The following ACER3 variants were observed in gnomAD, a reference collection of about 807,000 sequenced individuals.
ACER3 encodes the protein alkCDase 3.
ACER3 carries 16 observed loss-of-function variants against 48.9 expected under a neutral mutation model. The observed-to-expected ratio is 0.33, with a 90% CI of 0.22 to 0.50. The LOEUF (loss-of-function observed/expected upper bound fraction) is 0.50. Among genes scored for constraint, ACER3 ranks in the 20% least tolerant of loss-of-function variants. The pLI is 0.98. For synonymous variants in ACER3, 109 were observed against 107.8 expected, an observed-to-expected ratio of 1.01 and a Z score of -0.07; for missense variants, 227 against 326.0, an observed-to-expected ratio of 0.70 and a Z score of 2.34.
rs1949485317 is a variant in ACER3, at chr11:77,022,383, A to AC, written c.*2060dup. On this transcript the variant is annotated 3_prime_UTR_variant, in exon 11 of 11. Transcript: ENST00000532485. Reference sequence around the variant, plus strand: ...AGCACCACAGTGGAGAGTCATCTACACCCCAAGGTGAGCTGTAAGACTGGC... The same window carrying AC: ...AGCACCACAGTGGAGAGTCATCTACACCCCCAAGGTGAGCTGTAAGACTGGC... 1 of 152,046 alleles carries AC rather than the reference A, an allele frequency of 6.6e-6. No homozygotes were observed. The highest frequency in any genetic ancestry group is 2.4e-5 in the African/African-American group (1 of 41,384). 9.4% of individuals were successfully genotyped at this position (152,046 alleles called of 1,614,324 possible). A position where few individuals can be genotyped will look rare whatever the true frequency, so the allele number is the denominator to read the frequency against.
chr11:76,969,726 A>G (rs1167201134), intron 3 of ACER3, among the ~76,000 whole-genome samples: 17 of 144,500 alleles, frequency 1.2e-4, no homozygotes, highest in African/African-American at 7.7e-5. Context: ...GTTCTCACTC[A>G]TAGGTGGGAA....
At chr11:76,987,095 G>C (rs1384629098) in intron 5 of ACER3, among the ~76,000 whole-genome samples, 1 of 152,082 alleles carries the variant, frequency 6.6e-6, no homozygotes, top group Non-Finnish European at 1.5e-5. Flanking sequence ...GAAAAAGGTA[G>C]TGTGGAGCCA....
rs533086544 is a variant in ACER3 at position 76,905,249 on chromosome 11, A to G, written c.104-21308A>G. The stretch of plus-strand genomic sequence containing the variant: ...TTTAGAAGATTTTTTTTATGTTACA[A>G]GCTTACCTTTAAATTAAAAAAAATT... On this transcript the variant is annotated intron_variant, in intron 1 of 10. Coordinates refer to ENST00000532485, the MANE Select transcript of ACER3 (RefSeq NM_018367.7). Among the ~76,000 whole-genome samples the G allele has an allele frequency of 1.6e-4, 25 of 152,292 alleles. 1 individual carries two copies. The South Asian group carries it at 4.6e-3, about 28-fold the overall frequency.
chr11:76,921,188 TG>T (rs1355792378), intron 1 of ACER3, among the ~76,000 whole-genome samples: 1 of 152,186 alleles, frequency 6.6e-6, no homozygotes, highest in Non-Finnish European at 1.5e-5. Context: ...CATGTCCTAC[TG>T]AAAAAAATCA....
intron 4 of ACER3, among the ~76,000 whole-genome samples, chr11:76,976,560 G>A (rs555922785): frequency 6.6e-6 from 1 of 152,164 alleles, no homozygotes; most frequent in East Asian, 1.9e-4. Context: ...AATTTAGATA[G>A]GATCTAAATA....
chr11:76,927,696 GAGAACATGC>G (rs1946868868), intron 2 of ACER3, among the ~76,000 whole-genome samples: 2 of 151,890 alleles, frequency 1.3e-5, no homozygotes, highest in Non-Finnish European at 2.9e-5. Flanking sequence ...ACCTATGAGT[GAGAACATGC>G]GGTGTTTGGT....
intron 2 of ACER3, among the ~76,000 whole-genome samples, chr11:76,948,398 A>G (rs749300186): frequency 3.3e-5 from 5 of 152,190 alleles, no homozygotes; most frequent in African/African-American, 7.2e-5. Context: ...TCTTATCAGT[A>G]TAAGGATAAA....
intron 1 of ACER3, among the ~76,000 whole-genome samples, chr11:76,862,823 A>G (rs79104124): frequency 0.018 from 2,790 of 152,344 alleles, 80 homozygotes; most frequent in African/African-American, 0.063. Context: ...ACATTGTTCA[A>G]TGAACTCAAT....
At chr11:76,889,805 A>G (rs2134616145) in intron 1 of ACER3, among the ~76,000 whole-genome samples, 1 of 151,396 alleles carries the variant, frequency 6.6e-6, no homozygotes, top group Non-Finnish European at 1.5e-5. Flanking sequence ...ACTTTTTTGT[A>G]TGTTTAATTA....
At chr11:76,997,898 GTAT>G (rs1481992310) in intron 6 of ACER3, among the ~76,000 whole-genome samples, 2 of 152,004 alleles carry the variant, frequency 1.3e-5, no homozygotes, top group South Asian at 2.1e-4. Context: ...AAAGCAAACA[GTAT>G]TATTATTACT....
At chr11:77,017,194 C>CT (rs1166498353) in intron 9 of ACER3, among the ~76,000 whole-genome samples, 1 of 151,802 alleles carries the variant, frequency 6.6e-6, no homozygotes, top group Non-Finnish European at 1.5e-5. Context: ...ATCTGTGAAA[C>CT]TAAGAGTTGG....
intron 3 of ACER3, among the ~76,000 whole-genome samples, chr11:76,970,682 T>G (rs1045439745): frequency 2.0e-5 from 3 of 152,238 alleles, no homozygotes; most frequent in Non-Finnish European, 4.4e-5. Context: ...GGTGAGTTTT[T>G]TTTTAAAGTA....
In ACER3 at chr11:76,936,415, G is replaced by A. The variant is rs114435138; in HGVS notation, c.214+9748G>A. 1.2e-3 allele frequency among the ~76,000 whole-genome samples: 182 copies of A among 152,186 alleles called. 1 individual carries two copies. Among genetic ancestry groups the A allele is most frequent in the African/African-American group, 4.1e-3 (171 of 41,526 alleles). Reference sequence around the variant, plus strand: ...TTCTAAATTGATAAGAAGGCTAAAAGTAAAAATAAAAATCTTCCAACTACT... The same window carrying A: ...TTCTAAATTGATAAGAAGGCTAAAAATAAAAATAAAAATCTTCCAACTACT... On this transcript the variant is annotated intron_variant, in intron 2 of 10. Coordinates refer to ENST00000532485, the MANE Select transcript of ACER3 (RefSeq NM_018367.7).
At chr11:76,969,888 A>G (rs1424942120) in intron 3 of ACER3, among the ~76,000 whole-genome samples, 1 of 151,864 alleles carries the variant, frequency 6.6e-6, no homozygotes, top group South Asian at 2.1e-4. Context: ...TGGCACATGT[A>G]TACATATGTA....
chr11:76,938,680 A>G (rs1389598309), intron 2 of ACER3, among the ~76,000 whole-genome samples: 1 of 152,208 alleles, frequency 6.6e-6, no homozygotes, highest in African/African-American at 2.4e-5. Context: ...AGGGAGATAC[A>G]GATTTGGATG....
At chr11:76,861,349 C>T (rs1020923335) in intron 1 of ACER3, among the ~76,000 whole-genome samples, 1 of 151,396 alleles carries the variant, frequency 6.6e-6, no homozygotes, top group African/African-American at 2.4e-5. Flanking sequence ...GGAGCCCCTG[C>T]TGGACCTAAG....
intron 1 of ACER3, among the ~76,000 whole-genome samples, chr11:76,892,884 G>T (rs1182626092): frequency 6.6e-6 from 1 of 152,112 alleles, no homozygotes; most frequent in Non-Finnish European, 1.5e-5. Flanking sequence ...GTCCCTGTTT[G>T]TGGATGACGT....
intron 1 of ACER3, among the ~76,000 whole-genome samples, chr11:76,869,118 CT>C (rs1945176076): frequency 6.6e-6 from 1 of 152,246 alleles, no homozygotes; most frequent in South Asian, 2.1e-4. Flanking sequence ...GGGGGCAGTT[CT>C]GGGGACTGAG....
At chr11:76,917,905 C>T (rs1334899505) in intron 1 of ACER3, among the ~76,000 whole-genome samples, 1 of 151,632 alleles carries the variant, frequency 6.6e-6, no homozygotes, top group Non-Finnish European at 1.5e-5. Flanking sequence ...TAGAATGACT[C>T]TTGTAGTAAT....
Sources: gnomAD v4.1 joint callset for allele counts (sites outside exome capture counted in the v4.1 genomes callset) on GRCh38, gnomAD v4.1.1 for gene constraint, MANE v1.5 for transcripts, NCBI Gene and HGNC (gene_info 2026-07-23, HGNC 2026-07-21) for gene names.